The following PRIM2 variants were observed in gnomAD, a reference collection of about 807,000 sequenced individuals.
PRIM2 encodes DNA primase subunit 2.
In PRIM2, 39 loss-of-function variants were observed where a neutral mutation model predicts 67.3. That is an observed-to-expected ratio of 0.58 (90% CI 0.45 to 0.76). The LOEUF is 0.76. Ranked by LOEUF, PRIM2 falls within the 30% of genes least tolerant of loss-of-function variation. The pLI is 0.00. For missense variants in PRIM2, 398 were observed against 598.7 expected (o/e 0.66, Z 3.50); for synonymous variants, 143 against 198.7 (o/e 0.72, Z 2.36).
chr6:57,317,886 T>C (rs1354512773), intron 1 of PRIM2, among the ~76,000 whole-genome samples, 185 bp downstream of exon 1: 1 of 151,954 alleles, frequency 6.6e-6, no homozygotes, highest in Non-Finnish European at 1.5e-5. Context: ...GGTTTGCCAG[T>C]GGAGTGAGGA....
At chr6:57,631,503 A>G (rs1306512408) in intron 12 of PRIM2, among the ~76,000 whole-genome samples, 3 of 152,170 alleles carry the variant, frequency 2.0e-5, no homozygotes, top group Non-Finnish European at 4.4e-5. Context: ...AGATAGGATG[A>G]TGTTCCTAAC....
chr6:57,293,811 G>C, the PRIM2 span, among the ~76,000 whole-genome samples: 1 of 144,106 alleles, frequency 6.9e-6, no homozygotes, highest in Non-Finnish European at 1.5e-5. Flanking sequence ...ACAGGGTGGG[G>C]AATGTCACAC....
chr6:57,283,214 C>A, the PRIM2 span, among the ~76,000 whole-genome samples: 1 of 152,164 alleles, frequency 6.6e-6, no homozygotes, highest in Non-Finnish European at 1.5e-5. Flanking sequence ...ATCAACAATT[C>A]AACCATATCT....
At chr6:57,370,444 C>T (rs1769507075) in intron 5 of PRIM2, among the ~76,000 whole-genome samples, 1 of 152,128 alleles carries the variant, frequency 6.6e-6, no homozygotes, top group Non-Finnish European at 1.5e-5. Flanking sequence ...CTACATTTTT[C>T]AATGAGAATT....
intron 10 of PRIM2, among the ~76,000 whole-genome samples, chr6:57,598,382 G>A (rs1181466738): frequency 2.0e-5 from 3 of 152,142 alleles, no homozygotes; most frequent in Admixed American, 2.0e-4. Flanking sequence ...CTTGGTTTTA[G>A]TTTTTGCCCA....
chr6:57,454,794 G>C (rs1772700708), intron 7 of PRIM2, among the ~76,000 whole-genome samples: 2 of 152,216 alleles, frequency 1.3e-5, no homozygotes, highest in South Asian at 2.1e-4. Flanking sequence ...CTTCAGTTCT[G>C]TTCTGATCTT....
chr6:57,464,968 AG>A (rs1396146683), intron 7 of PRIM2, among the ~76,000 whole-genome samples: 4 of 152,204 alleles, frequency 2.6e-5, no homozygotes, highest in Non-Finnish European at 5.9e-5. Flanking sequence ...CAGGAATTCT[AG>A]GTCCCTAGTA....
chr6:57,376,497 C>CT (rs1395275424), intron 5 of PRIM2, among the ~76,000 whole-genome samples: 13 of 152,062 alleles, frequency 8.5e-5, no homozygotes, highest in South Asian at 4.2e-4. Context: ...TGGATTGACT[C>CT]TTTTTTTTGT....
chr6:57,493,169 T>C (rs1773934637), intron 7 of PRIM2, among the ~76,000 whole-genome samples: 2 of 152,178 alleles, frequency 1.3e-5, no homozygotes, highest in Admixed American at 1.3e-4. Flanking sequence ...TTGCTCCTAT[T>C]AGTGAGTAGC....
At chr6:57,478,337 GTT>G (rs1170764739) in intron 7 of PRIM2, among the ~76,000 whole-genome samples, 27 of 130,656 alleles carry the variant, frequency 2.1e-4, no homozygotes, top group African/African-American at 6.7e-4. Context: ...TTTTTTTTTT[GTT>G]TTTTTTTTTT....
At chr6:57,398,638 A>C (rs1490320108) in intron 7 of PRIM2, among the ~76,000 whole-genome samples, 1 of 152,140 alleles carries the variant, frequency 6.6e-6, no homozygotes, top group Non-Finnish European at 1.5e-5. Flanking sequence ...TTGGATGGAG[A>C]GTTCTGTAGA....
chr6:57,615,915 C>T (rs1361192947), intron 12 of PRIM2, among the ~76,000 whole-genome samples: 3,238 of 150,334 alleles, frequency 0.022, 53 homozygotes, highest in Non-Finnish European at 0.033. Context: ...ACAATAAATA[C>T]ATAAAGTTTA....
intron 7 of PRIM2, among the ~76,000 whole-genome samples, chr6:57,394,986 A>G (rs1770473863): frequency 6.6e-6 from 1 of 152,162 alleles, no homozygotes; most frequent in Non-Finnish European, 1.5e-5. Flanking sequence ...CATATGTTAA[A>G]CCATCCCTGC....
chr6:57,383,592 A>AC (rs1402619516), intron 7 of PRIM2: 1 of 151,722 alleles, frequency 6.6e-6, no homozygotes, highest in Admixed American at 6.6e-5. Flanking sequence ...AAAAAAAAAA[A>AC]AGGCATGTGG....
At chr6:57,556,037 T>G (rs1413139947) in intron 10 of PRIM2, among the ~76,000 whole-genome samples, 3 of 152,364 alleles carry the variant, frequency 2.0e-5, no homozygotes, top group African/African-American at 7.2e-5. Flanking sequence ...AATGCCACCA[T>G]TCACAATTGC....
chr6:57,633,848 A>G (rs1466725029), intron 13 of PRIM2, among the ~76,000 whole-genome samples: 2 of 152,174 alleles, frequency 1.3e-5, no homozygotes, highest in Non-Finnish European at 2.9e-5. Flanking sequence ...GTAAATACAG[A>G]TGAAGCTCCA....
intron 11 of PRIM2, among the ~76,000 whole-genome samples, chr6:57,605,131 A>G (rs1212216442): frequency 6.6e-6 from 1 of 152,236 alleles, no homozygotes; most frequent in Non-Finnish European, 1.5e-5. Flanking sequence ...CTATTTGATC[A>G]TGGTGAATTA....
the PRIM2 span, among the ~76,000 whole-genome samples, chr6:57,297,605 T>C: frequency 6.6e-6 from 1 of 152,176 alleles, no homozygotes; most frequent in Non-Finnish European, 1.5e-5. Flanking sequence ...TCACAGATTA[T>C]AAACGGAAAA....
intron 10 of PRIM2, among the ~76,000 whole-genome samples, chr6:57,592,733 G>A (rs1407491652): frequency 6.6e-6 from 1 of 151,780 alleles, no homozygotes. Context: ...GGAGGTCTCA[G>A]TGAACCAAGA....
Sources: allele counts gnomAD v4.1 joint callset (sites outside exome capture counted in the v4.1 genomes callset), GRCh38; gene constraint gnomAD v4.1.1; transcripts MANE v1.5; gene names NCBI Gene and HGNC (gene_info 2026-07-23, HGNC 2026-07-21).